The following SLBP variants were observed in gnomAD, a reference collection of about 807,000 sequenced individuals.
SLBP encodes stem-loop histone mRNA binding protein, also known as histone RNA hairpin-binding protein.
Under a neutral mutation model 39.2 loss-of-function variants are expected in SLBP, and 29 were observed. The ratio of observed to expected loss-of-function variants is 0.74; its 90% CI spans 0.55 to 1.01. The LOEUF (loss-of-function observed/expected upper bound fraction) is 1.01, where lower values mean the gene tolerates loss of function less well. Among genes scored for constraint, SLBP ranks in the 50% least tolerant of loss-of-function variants. The pLI is 0.00. For missense variants in SLBP, 390 were observed against 350.2 expected (o/e 1.11, Z -0.91); for synonymous variants, 129 against 118.7 (o/e 1.09, Z -0.57).
chr4:1,700,099 T>TA (rs1262081439), intron 3 of SLBP, 29 bp from the exon 4 acceptor site: 12 of 1,508,808 alleles, frequency 8.0e-6, no homozygotes, highest in Admixed American at 3.5e-5. Flanking sequence ...TTGCTGTTTT[T>TA]AAAAAAGATA....
intron 3 of SLBP, among the ~76,000 whole-genome samples, chr4:1,701,238 C>A (rs1056040463): frequency 2.7e-5 from 4 of 150,484 alleles, no homozygotes; most frequent in African/African-American, 9.8e-5. Flanking sequence ...CTCCGCCTCC[C>A]GGGTCCAAGC....
intron 4 of SLBP, 134 bp from the exon 5 acceptor site, chr4:1,699,835 T>C: frequency 1.1e-6 from 1 of 888,528 alleles, no homozygotes; most frequent in Non-Finnish European, 1.7e-6. Flanking sequence ...TCCTAAATAG[T>C]CCGGAGACTG....
At chr4:1,710,256 C>G (rs1293071547) in intron 2 of SLBP, among the ~76,000 whole-genome samples, 4 of 152,212 alleles carry the variant, frequency 2.6e-5, no homozygotes, top group Non-Finnish European at 4.4e-5. Flanking sequence ...CATGTAGACT[C>G]CTACACTCCG....
chr4:1,700,338 T>TG (rs1288504664), intron 3 of SLBP, among the ~76,000 whole-genome samples: 2 of 152,186 alleles, frequency 1.3e-5, no homozygotes, highest in African/African-American at 4.8e-5. Flanking sequence ...AACTTACTAA[T>TG]GGGACTCATA....
At chr4:1,695,927 AACT>A (rs1227873745) in intron 6 of SLBP, among the ~76,000 whole-genome samples, 2 of 152,230 alleles carry the variant, frequency 1.3e-5, no homozygotes, top group Admixed American at 6.5e-5. Flanking sequence ...GGGGAAAAAC[AACT>A]ACAACAACAA....
intron 6 of SLBP, among the ~76,000 whole-genome samples, chr4:1,695,322 C>CT (rs771360589): frequency 5.3e-5 from 8 of 152,166 alleles, no homozygotes; most frequent in Non-Finnish European, 1.0e-4. Flanking sequence ...AGGAGAAACT[C>CT]TAATTGTTTG....
In SLBP at chr4:1,694,830, C is replaced by G; in HGVS notation, c.640G>C (p.Asp214His). The G allele has an allele frequency of 6.2e-7, 1 of 1,613,020 alleles. No homozygotes were observed. Among genetic ancestry groups the G allele is most frequent in the Non-Finnish European group, 8.5e-7 (1 of 1,178,970 alleles). The change falls in exon 7 of 8, where the codon GAC becomes CAC. Residue 214 changes from aspartate (D) to histidine (H), a missense_variant. Asp to His is a moderately conservative substitution (Grantham distance 81). Transcript: ENST00000489418. ...GAGCTGCTTTCTGCAGATTCAAGGTCTACAGGGTGTCTGTTAAACAAGATC... is the reference window on the plus strand; with the variant it reads ...GAGCTGCTTTCTGCAGATTCAAGGTGTACAGGGTGTCTGTTAAACAAGATC... ...GCDLQEIHPV[D>H]LESAESSSEP...
At chr4:1,709,055 C>G (rs920061440) in intron 2 of SLBP, among the ~76,000 whole-genome samples, 5 of 151,394 alleles carry the variant, frequency 3.3e-5, no homozygotes, top group African/African-American at 7.3e-5. Context: ...ACCCGTAGAC[C>G]CAAGTCTTTT....
At chr4:1,710,131 G>T (rs958167856) in intron 2 of SLBP, among the ~76,000 whole-genome samples, 1 of 151,402 alleles carries the variant, frequency 6.6e-6, no homozygotes, top group Non-Finnish European at 1.5e-5. Context: ...GGCCCGCCTT[G>T]GCCTCCCAAA....
At position 1,711,959 on chromosome 4, in the gene SLBP, G is replaced by A. The variant is rs1294338570; in HGVS notation, c.91C>T (p.Arg31Trp). 8 of 1,320,414 alleles carry A rather than the reference G, an allele frequency of 6.1e-6. No individual in the cohort carries two copies. The highest frequency in any genetic ancestry group is 1.5e-5 in the African/African-American group (1 of 64,894). 81.8% of individuals were successfully genotyped at this position (1,320,414 alleles called of 1,614,324 possible). A position where few individuals can be genotyped will look rare whatever the true frequency, so the allele number is the denominator to read the frequency against. ...PPSPARWSLG[R>W]KRRADGRRWR... ...CGCCTGCCGTCGGCTCTGCGCTTCC[G>A]TCCCAGGCTCCATCGCGCGGGGGAC... is the stretch of plus-strand genomic sequence containing the variant. Residue 31 changes from arginine to tryptophan, a missense_variant, in exon 2 of 8, where the codon CGG becomes TGG. Coordinates refer to ENST00000489418, the MANE Select transcript of SLBP (RefSeq NM_006527.4).
At chr4:1,699,356 A>G (rs1577179938) in intron 5 of SLBP, among the ~76,000 whole-genome samples, 1 of 152,236 alleles carries the variant, frequency 6.6e-6, no homozygotes, top group East Asian at 1.9e-4. Flanking sequence ...AAATTATATG[A>G]AAATGATTTT....
chr4:1,694,215 TGG>T (rs1335921944), intron 7 of SLBP, among the ~76,000 whole-genome samples: 10 of 151,594 alleles, frequency 6.6e-5, no homozygotes, highest in African/African-American at 9.7e-5. Flanking sequence ...CCTGAGTAGC[TGG>T]GATTACATGC....
At chr4:1,696,151 G>C (rs1716096784) in intron 6 of SLBP, 51 bp downstream of exon 6, 2 of 1,495,282 alleles carry the variant, frequency 1.3e-6, no homozygotes, top group Admixed American at 4.2e-5. Context: ...AGCTGCTCCA[G>C]TCACTGGACC....
intron 3 of SLBP, 37 bp downstream of exon 3, chr4:1,703,559 C>T (rs1716408827): frequency 1.5e-6 from 2 of 1,292,404 alleles, no homozygotes; most frequent in African/African-American, 1.5e-5. Flanking sequence ...CTGAAAACGC[C>T]ACAGATTAAC....
At chr4:1,700,225 G>C in intron 3 of SLBP, 155 bp from the exon 4 acceptor site, 4 of 442,802 alleles carry the variant, frequency 9.0e-6, no homozygotes, top group Non-Finnish European at 1.6e-5. Flanking sequence ...TTCAGTTTAA[G>C]TAGTGAGATC....
intron 2 of SLBP, among the ~76,000 whole-genome samples, chr4:1,708,836 C>T (rs1006836836): frequency 2.6e-5 from 4 of 152,200 alleles, no homozygotes; most frequent in African/African-American, 9.7e-5. Flanking sequence ...CCACAATGTG[C>T]AAATACCAAG....
intron 5 of SLBP, among the ~76,000 whole-genome samples, chr4:1,696,601 A>G (rs544516180): frequency 4.3e-4 from 65 of 152,102 alleles, no homozygotes; most frequent in African/African-American, 1.4e-3. Context: ...AAAACAGAAC[A>G]AAAAAACAGC....
rs147244842 is a variant in SLBP, at chr4:1,700,474, CA to C, written c.282-405del. Among the ~76,000 whole-genome samples, 352 of 147,648 alleles carry C rather than the reference CA, an allele frequency of 2.4e-3. 4 individuals are homozygous for C. The highest frequency in any genetic ancestry group is 8.1e-3 in the African/African-American group (323 of 40,122). ...CAGTCATTACCAGAACGCAGTTTTG[CA>C]AAAAAAAAAGTATGACATCTCCAAA... On this transcript the variant is annotated intron_variant, in intron 3 of 7. Coordinates refer to ENST00000489418, the MANE Select transcript of SLBP (RefSeq NM_006527.4).
intron 5 of SLBP, among the ~76,000 whole-genome samples, chr4:1,697,744 T>A: frequency 6.6e-6 from 1 of 152,020 alleles, no homozygotes. Context: ...CTTGGGAGGC[T>A]GAGGCAGGAG....
Sources: allele counts gnomAD v4.1 joint callset (sites outside exome capture counted in the v4.1 genomes callset), GRCh38; gene constraint gnomAD v4.1.1; transcripts MANE v1.5; gene names NCBI Gene and HGNC (gene_info 2026-07-23, HGNC 2026-07-21).